RASA4: variants seen among roughly 807,000 people sequenced by gnomAD.
RASA4 encodes ras GTPase-activating protein 4.
In RASA4, 5 loss-of-function variants were observed where a neutral mutation model predicts 24.0. The ratio of observed to expected loss-of-function variants is 0.21; its 90% CI spans 0.11 to 0.44. RASA4 has a LOEUF of 0.44. Ranked by LOEUF, RASA4 falls within the 20% of genes least tolerant of loss-of-function variation. The probability of loss-of-function intolerance (pLI) is 0.99; values close to 1 mark genes in which losing one functional copy is unlikely to be tolerated. For synonymous variants in RASA4, 9 were observed against 132.7 expected (o/e 0.07, Z 6.41); for missense variants, 38 against 293.0 (o/e 0.13, Z 6.35).
At chr7:102,613,827 A>G (rs1402124458) in intron 1 of RASA4, among the ~76,000 whole-genome samples, 1 of 151,996 alleles carries the variant, frequency 6.6e-6, no homozygotes, top group Non-Finnish European at 1.5e-5. Flanking sequence ...GTCACTGGTC[A>G]TCGTGAGACT....
At chr7:102,595,181 T>C (rs1790132299) in intron 11 of RASA4, 124 bp downstream of exon 11, 1 of 518,228 alleles carries the variant, frequency 1.9e-6, no homozygotes, top group Admixed American at 5.1e-5. Context: ...GCCACATTCT[T>C]AACCTTAAAG....
intron 8 of RASA4, among the ~76,000 whole-genome samples, chr7:102,597,769 C>T (rs1444426564): frequency 2.3e-5 from 3 of 128,568 alleles, no homozygotes; most frequent in Non-Finnish European, 3.6e-5. Flanking sequence ...GGCTGGAGTG[C>T]AGTGGTGGGA....
At chr7:102,606,395 C>CAAAA (rs555519087) in intron 4 of RASA4, among the ~76,000 whole-genome samples, 51 of 55,486 alleles carry the variant, frequency 9.2e-4, no homozygotes, top group East Asian at 2.6e-3. Context: ...GACCCCATCT[C>CAAAA]AAAAAAAAAA....
chr7:102,597,750 T>G (rs1393218610), intron 8 of RASA4, among the ~76,000 whole-genome samples: 1 of 134,948 alleles, frequency 7.4e-6, no homozygotes, highest in Non-Finnish European at 1.7e-5. Context: ...GTTTCGCTCT[T>G]GTCACCGAGG....
chr7:102,597,805 C>A (rs1790289895), intron 8 of RASA4, among the ~76,000 whole-genome samples: 1 of 92,762 alleles, frequency 1.1e-5, no homozygotes, highest in Non-Finnish European at 2.6e-5. Flanking sequence ...ACCTCCGTCT[C>A]CTGGGTTCCA....
intron 5 of RASA4, among the ~76,000 whole-genome samples, chr7:102,603,860 A>AAAAAAAAAAAC (rs1554346378): frequency 1.0e-5 from 1 of 98,642 alleles, no homozygotes; most frequent in Non-Finnish European, 2.2e-5. Context: ...AAAAAAAAAA[A>AAAAAAAAAAAC]CCACCAAAAA....
At chr7:102,599,666 A>G (rs1391264339) in intron 8 of RASA4, among the ~76,000 whole-genome samples, 194 bp downstream of exon 8, 1 of 146,298 alleles carries the variant, frequency 6.8e-6, no homozygotes, top group African/African-American at 2.5e-5. Context: ...TAAATAATAA[A>G]TAAAGGGGAG....
At chr7:102,614,267 A>AGCC (rs1380320222) in intron 1 of RASA4, among the ~76,000 whole-genome samples, 1 of 134,400 alleles carries the variant, frequency 7.4e-6, no homozygotes, top group Admixed American at 7.5e-5. Flanking sequence ...GCAAGCTTAC[A>AGCC]GCCGCGGGCA....
chr7:102,605,085 G>C (rs959548270), intron 5 of RASA4, among the ~76,000 whole-genome samples: 1 of 138,580 alleles, frequency 7.2e-6, no homozygotes, highest in African/African-American at 2.4e-5. Context: ...CCCTCCTTGG[G>C]GGAACCCTCA....
intron 1 of RASA4, among the ~76,000 whole-genome samples, chr7:102,613,514 AGGAC>A (rs1298412844): frequency 7.3e-6 from 1 of 136,580 alleles, no homozygotes; most frequent in Non-Finnish European, 1.6e-5. Context: ...GTGGGGCAAG[AGGAC>A]GGTATTGAGA....
rs1359909403 is a variant in RASA4, at chr7:102,594,941, G to A, written c.1071+364C>T. On this transcript the variant is annotated intron_variant, in intron 11 of 20. Transcript: ENST00000262940. The stretch of plus-strand genomic sequence containing the variant: ...GGGGCCCAGGCTAGAGTGCAGTGGC[G>A]TGAGCTCACTACAACCTCTGGCTCC... Among the ~76,000 whole-genome samples, 55 of 53,558 alleles carry A rather than the reference G, an allele frequency of 1.0e-3. 1 individual carries two copies. The highest frequency in any genetic ancestry group is 2.1e-3 in the African/African-American group (53 of 25,364). 35.1% of individuals were successfully genotyped at this position (53,558 alleles called of 152,430 possible).
chr7:102,607,925 AC>A (rs1790717224), intron 4 of RASA4, among the ~76,000 whole-genome samples: 1 of 110,478 alleles, frequency 9.1e-6, no homozygotes, highest in African/African-American at 3.3e-5. Flanking sequence ...GAGCCACTGC[AC>A]CCGGCCTCTA....
At chr7:102,594,834 A>G (rs1790116441) in intron 11 of RASA4, among the ~76,000 whole-genome samples, 1 of 28,432 alleles carries the variant, frequency 3.5e-5, no homozygotes, top group African/African-American at 6.6e-5. Context: ...TGGGCAACAT[A>G]GTGAGACTGT....
chr7:102,610,968 C>T (rs1790824694), intron 2 of RASA4, 118 bp downstream of exon 2: 1 of 98,118 alleles, frequency 1.0e-5, no homozygotes, highest in South Asian at 4.2e-4. Context: ...GGACCAGGTG[C>T]TCCAAGCCCC....
chr7:102,587,144 C>T (rs1302907384), intron 18 of RASA4, among the ~76,000 whole-genome samples: 3 of 27,320 alleles, frequency 1.1e-4, no homozygotes, highest in Non-Finnish European at 2.3e-4. Flanking sequence ...ACAAGAGCAG[C>T]TTGACTAACA....
At chr7:102,612,060 C>T (rs1469306114) in intron 1 of RASA4, 10 of 150,366 alleles carry the variant, frequency 6.7e-5, no homozygotes, top group East Asian at 4.1e-4. Context: ...ACACCAAAGT[C>T]GAGCCCCTTA....
intron 8 of RASA4, 38 bp downstream of exon 8, chr7:102,599,822 C>T (rs1790370503): frequency 9.5e-6 from 1 of 105,306 alleles, no homozygotes; most frequent in Admixed American, 1.3e-4. Context: ...GCCCCCACCC[C>T]ACCCCTTGAG....
At chr7:102,612,017 G>GC (rs1790866743) in intron 1 of RASA4, 1 of 121,202 alleles carries the variant, frequency 8.3e-6, no homozygotes, top group Non-Finnish European at 1.7e-5. Context: ...CCAAGCAACA[G>GC]CCGCAGGCAA....
At chr7:102,594,816 G>C (rs1296383966) in intron 11 of RASA4, among the ~76,000 whole-genome samples, 3 of 18,646 alleles carry the variant, frequency 1.6e-4, no homozygotes, top group African/African-American at 2.9e-4. Flanking sequence ...AGGAGTTTGA[G>C]ACCAGCCTGG....
Sources: allele counts gnomAD v4.1 joint callset (sites outside exome capture counted in the v4.1 genomes callset), GRCh38; gene constraint gnomAD v4.1.1; transcripts MANE v1.5; gene names NCBI Gene and HGNC (gene_info 2026-07-23, HGNC 2026-07-21).